Variants in TENM2 observed in about 807,000 individuals in gnomAD.
TENM2 encodes the protein teneurin transmembrane protein 2.
Under a neutral mutation model 245.2 loss-of-function variants are expected in TENM2, and 52 were observed. That is an observed-to-expected ratio of 0.21 (90% CI 0.17 to 0.27). TENM2 has a LOEUF of 0.27. Ranked by LOEUF, TENM2 falls within the 10% of genes least tolerant of loss-of-function variation. The probability of loss-of-function intolerance (pLI) is 1.00; values close to 1 mark genes in which losing one functional copy is unlikely to be tolerated. For synonymous variants in TENM2, 1,363 were observed against 1,438.9 expected, an observed-to-expected ratio of 0.95 and a Z score of 1.19; for missense variants, 3,046 against 3,666.8, an observed-to-expected ratio of 0.83 and a Z score of 4.37.
chr5:167,558,495 T>G (rs1582384984), intron 2 of TENM2, among the ~76,000 whole-genome samples: 1 of 152,098 alleles, frequency 6.6e-6, no homozygotes, highest in Non-Finnish European at 1.5e-5. Context: ...GGCAGGTGAG[T>G]GAGCGAAGCT....
chr5:167,911,025 G>A (rs1776504424), intron 3 of TENM2, among the ~76,000 whole-genome samples: 1 of 152,030 alleles, frequency 6.6e-6, no homozygotes, highest in African/African-American at 2.4e-5. Context: ...CTCAAAAAAC[G>A]TAAACTTCTT....
At chr5:168,248,267 C>T in exon 27 of TENM2, 2 of 1,614,012 alleles carry the variant, frequency 1.2e-6, no homozygotes, top group Non-Finnish European at 1.7e-6. Context: ...CCAGACTATA[C>T]CATGTGGAAA....
At chr5:167,108,627 A>T in the TENM2 span, among the ~76,000 whole-genome samples, 6 of 152,192 alleles carry the variant, frequency 3.9e-5, no homozygotes, top group African/African-American at 1.4e-4. Flanking sequence ...TTAGTCAGAG[A>T]TGAAGTTCTT....
intron 2 of TENM2, among the ~76,000 whole-genome samples, chr5:167,427,374 AC>A (rs1297458820): frequency 6.6e-5 from 10 of 151,914 alleles, no homozygotes; most frequent in Admixed American, 6.6e-4. Context: ...AATTGCTTGA[AC>A]CCAGGAGGTG....
intron 2 of TENM2, among the ~76,000 whole-genome samples, chr5:167,818,960 C>T (rs1030039184): frequency 6.6e-6 from 1 of 152,142 alleles, no homozygotes; most frequent in Non-Finnish European, 1.5e-5. Context: ...AACCAACACA[C>T]TCACGTGACA....
At chr5:167,559,136 T>C (rs1316971721) in intron 2 of TENM2, among the ~76,000 whole-genome samples, 6 of 152,188 alleles carry the variant, frequency 3.9e-5, no homozygotes, top group Admixed American at 3.9e-4. Context: ...ACCTCAAATA[T>C]ATACAATTCA....
chr5:168,205,984 G>T (rs572667293), intron 19 of TENM2, among the ~76,000 whole-genome samples: 1 of 152,258 alleles, frequency 6.6e-6, no homozygotes, highest in African/African-American at 2.4e-5. Context: ...AGAAGAAAGA[G>T]GAGTGCTCCA....
the TENM2 span, among the ~76,000 whole-genome samples, chr5:167,215,741 G>T: frequency 3.3e-5 from 5 of 152,192 alleles, no homozygotes; most frequent in Admixed American, 2.6e-4. Context: ...TGGTTGAAGG[G>T]CCAAAAGATA....
At chr5:167,947,928 A>G (rs2151814685) in intron 3 of TENM2, among the ~76,000 whole-genome samples, 1 of 152,264 alleles carries the variant, frequency 6.6e-6, no homozygotes, top group Non-Finnish European at 1.5e-5. Context: ...GGTGAAGACT[A>G]TGGCGCAAGA....
intron 2 of TENM2, among the ~76,000 whole-genome samples, chr5:167,865,564 A>T (rs1483467317): frequency 2.0e-5 from 3 of 152,160 alleles, no homozygotes; most frequent in Admixed American, 6.5e-5. Context: ...GTGAGCCAGC[A>T]TGCCCAGCCT....
chr5:167,501,550 A>T (rs186684610), intron 2 of TENM2, among the ~76,000 whole-genome samples: 18 of 152,166 alleles, frequency 1.2e-4, no homozygotes, highest in African/African-American at 4.3e-4. Context: ...ATCTGTACTG[A>T]CTTCTCCCTC....
chr5:167,274,246 C>T, the TENM2 span, among the ~76,000 whole-genome samples: 1 of 152,102 alleles, frequency 6.6e-6, no homozygotes, highest in African/African-American at 2.4e-5. Flanking sequence ...TAAGTGGAGC[C>T]ATGCCATCAA....
intron 3 of TENM2, among the ~76,000 whole-genome samples, chr5:167,894,202 G>A (rs1339537923): frequency 6.6e-6 from 1 of 152,160 alleles, no homozygotes. Context: ...TGGATGGATG[G>A]ATGGATAGAT....
the TENM2 span, among the ~76,000 whole-genome samples, chr5:167,165,779 T>A: frequency 6.6e-6 from 1 of 152,166 alleles, no homozygotes; most frequent in African/African-American, 2.4e-5. Context: ...TAAGACAAGA[T>A]GTACAAATAA....
At chr5:168,144,220 T>C (rs1247477072) in intron 12 of TENM2, among the ~76,000 whole-genome samples, 3 of 152,090 alleles carry the variant, frequency 2.0e-5, no homozygotes, top group Non-Finnish European at 2.9e-5. Flanking sequence ...AGGGTACATG[T>C]GCACATTGTG....
In TENM2 at chr5:168,228,936, G is replaced by A. The variant is rs191816588; in HGVS notation, c.5520+806G>A. On this transcript the variant is annotated intron_variant, in intron 25 of 28. Transcript: ENST00000518659. ...TGTAAACCCTATATTATATTATAAT[G>A]TATAATTATATACATTATATGTATA... 2.1e-5 allele frequency among the ~76,000 whole-genome samples: 3 copies of A among 146,198 alleles called. No individual in the cohort carries two copies. The East Asian group carries it at 5.9e-4, about 29-fold the overall frequency.
intron 2 of TENM2, among the ~76,000 whole-genome samples, chr5:167,633,199 G>A (rs949363135): frequency 6.6e-6 from 1 of 152,172 alleles, no homozygotes. Context: ...CAGCCACAGC[G>A]AAGCTAACAA....
chr5:168,090,109 A>G (rs1358119325), intron 7 of TENM2, among the ~76,000 whole-genome samples: 1 of 152,002 alleles, frequency 6.6e-6, no homozygotes, highest in Non-Finnish European at 1.5e-5. Context: ...AACCAATTAC[A>G]TTTTGGAATT....
At chr5:167,760,257 G>A (rs942474244) in intron 2 of TENM2, among the ~76,000 whole-genome samples, 2 of 152,158 alleles carry the variant, frequency 1.3e-5, no homozygotes, top group African/African-American at 4.8e-5. Flanking sequence ...TCATTAAATA[G>A]GGCACTGTCA....
Sources: gnomAD v4.1 joint callset for allele counts (sites outside exome capture counted in the v4.1 genomes callset) on GRCh38, gnomAD v4.1.1 for gene constraint, MANE v1.5 for transcripts, NCBI Gene and HGNC (gene_info 2026-07-23, HGNC 2026-07-21) for gene names.